PCSK2: variants seen among roughly 807,000 people sequenced by gnomAD.
The protein encoded by PCSK2 is neuroendocrine convertase 2.
Under a neutral mutation model 69.7 loss-of-function variants are expected in PCSK2, and 14 were observed. The observed-to-expected ratio is 0.20, with a 90% CI of 0.13 to 0.31. PCSK2 has a LOEUF of 0.31. Ranked by LOEUF, PCSK2 falls within the 10% of genes least tolerant of loss-of-function variation. PCSK2 has a pLI of 1.00. For missense variants in PCSK2, 544 were observed against 842.5 expected (o/e 0.65, Z 4.39); for synonymous variants, 307 against 320.7 (o/e 0.96, Z 0.46).
At chr20:17,281,402 C>T (rs955962380) in intron 2 of PCSK2, among the ~76,000 whole-genome samples, 1 of 152,162 alleles carries the variant, frequency 6.6e-6, no homozygotes, top group Non-Finnish European at 1.5e-5. Flanking sequence ...GAGCAAACCT[C>T]GGTAAAGACT....
At chr20:17,411,322 G>A (rs2123306646) in intron 6 of PCSK2, among the ~76,000 whole-genome samples, 1 of 152,346 alleles carries the variant, frequency 6.6e-6, no homozygotes. Flanking sequence ...GGACACTTCT[G>A]CCCAAATACT....
chr20:17,428,997 C>CAAAAAAAAAAAAAAAA (rs60206058), intron 6 of PCSK2, among the ~76,000 whole-genome samples: 11 of 36,950 alleles, frequency 3.0e-4, no homozygotes, highest in African/African-American at 5.5e-4. Flanking sequence ...GACTCTGTCT[C>CAAAAAAAAAAAAAAAA]AAAAAAAAAA....
intron 5 of PCSK2, among the ~76,000 whole-genome samples, chr20:17,378,967 T>C (rs1254378555): frequency 6.6e-6 from 1 of 152,190 alleles, no homozygotes; most frequent in Non-Finnish European, 1.5e-5. Flanking sequence ...TTTATTTGGG[T>C]TTCTATCTCA....
chr20:17,268,713 T>A, intron 2 of PCSK2, among the ~76,000 whole-genome samples: 1 of 152,152 alleles, frequency 6.6e-6, no homozygotes, highest in East Asian at 1.9e-4. Flanking sequence ...TGACTCTGAA[T>A]GAGATGTGGC....
chr20:17,257,690 C>T (rs920505558), intron 1 of PCSK2, among the ~76,000 whole-genome samples: 4 of 152,174 alleles, frequency 2.6e-5, no homozygotes, highest in African/African-American at 9.7e-5. Context: ...CCTCAATTCT[C>T]AAGCAGGCAG....
At chr20:17,455,526 C>G (rs2032903695) in intron 9 of PCSK2, among the ~76,000 whole-genome samples, 1 of 152,166 alleles carries the variant, frequency 6.6e-6, no homozygotes. Flanking sequence ...TGTAGAGAAA[C>G]ATGTTTTAAT....
At chr20:17,473,524 C>A (rs1257272700) in intron 11 of PCSK2, among the ~76,000 whole-genome samples, 1 of 152,214 alleles carries the variant, frequency 6.6e-6, no homozygotes, top group Non-Finnish European at 1.5e-5. Context: ...CACCACCAAC[C>A]TCCTCCTATT....
chr20:17,277,663 G>A (rs80120068), intron 2 of PCSK2, among the ~76,000 whole-genome samples: 19,389 of 132,428 alleles, frequency 0.15, 1,427 homozygotes, highest in Middle Eastern at 0.22. Flanking sequence ...GCATGGGCAA[G>A]GACTTCATGT....
chr20:17,454,039 CTCCCCTCCTG>C, intron 9 of PCSK2, 82 bp downstream of exon 9: 1 of 1,568,562 alleles, frequency 6.4e-7, no homozygotes, highest in Non-Finnish European at 8.6e-7. Flanking sequence ...CACTGGCTTG[CTCCCCTCCTG>C]TCCCCTCCCT....
chr20:17,404,372 C>T (rs575995701), intron 5 of PCSK2, among the ~76,000 whole-genome samples: 1 of 152,194 alleles, frequency 6.6e-6, no homozygotes, highest in African/African-American at 2.4e-5. Flanking sequence ...AGTGTTCTAA[C>T]CTTGGAAACA....
chr20:17,362,911 G>C (rs2030450666), intron 4 of PCSK2, among the ~76,000 whole-genome samples: 1 of 152,248 alleles, frequency 6.6e-6, no homozygotes, highest in African/African-American at 2.4e-5. Context: ...GACAAGGACA[G>C]ATGCTCTTGC....
At chr20:17,394,447 G>T (rs1231919766) in intron 5 of PCSK2, among the ~76,000 whole-genome samples, 1 of 152,180 alleles carries the variant, frequency 6.6e-6, no homozygotes, top group Non-Finnish European at 1.5e-5. Context: ...ACATGTCCTT[G>T]AACCACTTGG....
At chr20:17,330,510 C>T (rs990610349) in intron 2 of PCSK2, among the ~76,000 whole-genome samples, 1 of 152,084 alleles carries the variant, frequency 6.6e-6, no homozygotes, top group Non-Finnish European at 1.5e-5. Context: ...AGGAGAATCC[C>T]TTGAACCAGG....
At chr20:17,254,102 C>T (rs1053676874) in intron 1 of PCSK2, among the ~76,000 whole-genome samples, 1 of 152,034 alleles carries the variant, frequency 6.6e-6, no homozygotes, top group Non-Finnish European at 1.5e-5. Flanking sequence ...TAAAACATTC[C>T]TGTGCGAGAT....
intron 1 of PCSK2, among the ~76,000 whole-genome samples, chr20:17,259,418 C>T (rs1161536920): frequency 1.3e-5 from 2 of 152,156 alleles, no homozygotes; most frequent in African/African-American, 4.8e-5. Context: ...TATATTTATA[C>T]AGAAGAGAAA....
At chr20:17,324,408 T>C (rs1330121141) in intron 2 of PCSK2, among the ~76,000 whole-genome samples, 5 of 152,134 alleles carry the variant, frequency 3.3e-5, no homozygotes, top group Non-Finnish European at 7.3e-5. Context: ...TTATCAGGGT[T>C]CTTAGGTTTA....
chr20:17,411,314 A>G (rs2031866997), intron 6 of PCSK2, among the ~76,000 whole-genome samples: 1 of 152,192 alleles, frequency 6.6e-6, no homozygotes, highest in African/African-American at 2.4e-5. Flanking sequence ...GAAAAATGGG[A>G]CACTTCTGCC....
At chr20:17,480,178 G>C (rs2033369946) in intron 11 of PCSK2, among the ~76,000 whole-genome samples, 1 of 127,176 alleles carries the variant, frequency 7.9e-6, no homozygotes, top group Non-Finnish European at 1.7e-5. Context: ...CCCATTTTCA[G>C]CTTTTCTTTT....
chr20:17,275,937 C>G (rs529532998), intron 2 of PCSK2, among the ~76,000 whole-genome samples: 1 of 152,210 alleles, frequency 6.6e-6, no homozygotes, highest in South Asian at 2.1e-4. Context: ...CATCTCACAA[C>G]CACATCTATA....
Sources: gnomAD v4.1 joint callset for allele counts (sites outside exome capture counted in the v4.1 genomes callset) on GRCh38, gnomAD v4.1.1 for gene constraint, MANE v1.5 for transcripts, NCBI Gene and HGNC (gene_info 2026-07-23, HGNC 2026-07-21) for gene names.